The following MAGI1 variants were observed in gnomAD, a reference collection of about 807,000 sequenced individuals.
The protein encoded by MAGI1 is membrane associated guanylate kinase, WW and PDZ domain containing 1.
MAGI1 carries 58 observed loss-of-function variants against 139.9 expected under a neutral mutation model. The ratio of observed to expected loss-of-function variants is 0.41; its 90% CI spans 0.34 to 0.52. MAGI1 has a LOEUF of 0.52. Ranked by LOEUF, MAGI1 falls within the 20% of genes least tolerant of loss-of-function variation. The pLI, the probability that MAGI1 is intolerant of heterozygous loss-of-function variation, is 0.12. For missense variants in MAGI1, 1,874 were observed against 1,901.6 expected, an observed-to-expected ratio of 0.99 and a Z score of 0.27; for synonymous variants, 812 against 737.9, an observed-to-expected ratio of 1.10 and a Z score of -1.63.
At chr3:65,608,351 G>C (rs909850696) in intron 2 of MAGI1, among the ~76,000 whole-genome samples, 19 of 152,112 alleles carry the variant, frequency 1.2e-4, no homozygotes, top group African/African-American at 4.6e-4. Context: ...TAAGGCAGGA[G>C]AATCAGCCAG....
At chr3:65,680,355 C>A (rs1050015924) in intron 1 of MAGI1, among the ~76,000 whole-genome samples, 3 of 152,150 alleles carry the variant, frequency 2.0e-5, no homozygotes, top group Non-Finnish European at 4.4e-5. Flanking sequence ...CTATGGTGAC[C>A]ATACCATTTA....
chr3:65,945,176 G>T (rs975015485), intron 1 of MAGI1, among the ~76,000 whole-genome samples: 2 of 152,172 alleles, frequency 1.3e-5, no homozygotes, highest in African/African-American at 4.8e-5. Context: ...ATTTTGAAGG[G>T]CCAGGGTGGA....
intron 1 of MAGI1, among the ~76,000 whole-genome samples, chr3:65,896,272 T>G (rs565790040): frequency 6.6e-6 from 1 of 151,810 alleles, no homozygotes; most frequent in East Asian, 1.9e-4. Flanking sequence ...AGTATTTTTA[T>G]TATTATCACT....
chr3:65,494,800 C>A (rs1159091959), intron 2 of MAGI1, among the ~76,000 whole-genome samples: 1 of 152,230 alleles, frequency 6.6e-6, no homozygotes, highest in Non-Finnish European at 1.5e-5. Context: ...CACACCTACA[C>A]TGGATATTCA....
At chr3:65,408,334 T>C (rs983592655) in intron 12 of MAGI1, among the ~76,000 whole-genome samples, 1 of 152,174 alleles carries the variant, frequency 6.6e-6, no homozygotes, top group Non-Finnish European at 1.5e-5. Context: ...AAGACACATC[T>C]GAAAAAATTA....
chr3:65,429,822 T>A lies in MAGI1; in HGVS notation c.1865A>T (p.His622Leu). ...AGAAACAGTGTCATTAGGATAACCA[T>A]GAGAACTATTTGAAGCCACGTCCGC... ...SPADVASNSS[H>L]GYPNDTVSLA... is the part of the protein sequence containing the mutation. The change falls in exon 12 of 23, where the codon CAT (histidine) becomes CTT (leucine). Residue 622 changes from histidine (H) to leucine (L), a missense_variant. By Grantham distance (99) the His-to-Leu change is moderately conservative (BLOSUM62 -3). Around this residue, in one of 5 missense-constraint regions of MAGI1, gnomAD observed 482 missense variants for 509.6 expected, o/e 0.95. Coordinates refer to ENST00000402939, the MANE Select transcript of MAGI1 (RefSeq NM_001033057.2). 1 of 1,614,012 alleles carries A rather than the reference T, an allele frequency of 6.2e-7. No individual in the cohort carries two copies. The highest frequency in any genetic ancestry group is 1.1e-5 in the South Asian group (1 of 91,082).
At chr3:65,905,517 AT>A (rs1003474976) in intron 1 of MAGI1, among the ~76,000 whole-genome samples, 1 of 149,744 alleles carries the variant, frequency 6.7e-6, no homozygotes, top group African/African-American at 2.5e-5. Context: ...TCTTTTTCTT[AT>A]TTTTTTAGAG....
chr3:65,537,268 T>C (rs2079003058), intron 2 of MAGI1, among the ~76,000 whole-genome samples: 1 of 152,128 alleles, frequency 6.6e-6, no homozygotes, highest in Non-Finnish European at 1.5e-5. Context: ...TTTCCTTCTT[T>C]CTCTGCCCAG....
At chr3:65,920,783 C>T (rs1020303267) in intron 1 of MAGI1, among the ~76,000 whole-genome samples, 1 of 152,184 alleles carries the variant, frequency 6.6e-6, no homozygotes, top group South Asian at 2.1e-4. Context: ...GTAATCCCAG[C>T]ACTTTGGGAG....
chr3:65,516,938 C>T (rs59021013), intron 2 of MAGI1, among the ~76,000 whole-genome samples: 26,076 of 150,358 alleles, frequency 0.17, 2,315 homozygotes, highest in South Asian at 0.24. Context: ...CCGTTTTAGC[C>T]GGGATGGTCT....
At chr3:65,524,461 T>C (rs539537374) in intron 2 of MAGI1, among the ~76,000 whole-genome samples, 7 of 152,344 alleles carry the variant, frequency 4.6e-5, no homozygotes, top group Non-Finnish European at 7.3e-5. Flanking sequence ...ATTACTCTTA[T>C]AGAAAAGTTA....
chr3:65,412,263 G>A (rs1945853525), intron 12 of MAGI1, among the ~76,000 whole-genome samples: 1 of 152,096 alleles, frequency 6.6e-6, no homozygotes, highest in Admixed American at 6.6e-5. Flanking sequence ...GGAACTCTAT[G>A]CCTGCAGATC....
chr3:65,684,972 C>T (rs1372306472), intron 1 of MAGI1, among the ~76,000 whole-genome samples: 1 of 149,226 alleles, frequency 6.7e-6, no homozygotes, highest in Non-Finnish European at 1.5e-5. Context: ...CCAGCCTCAG[C>T]CTTCCAAACT....
intron 1 of MAGI1, among the ~76,000 whole-genome samples, chr3:65,630,230 C>T (rs1432259816): frequency 6.6e-6 from 1 of 152,068 alleles, no homozygotes; most frequent in African/African-American, 2.4e-5. Context: ...AATACAGAGC[C>T]CCTGAGCAGC....
intron 7 of MAGI1, among the ~76,000 whole-genome samples, chr3:65,443,799 A>C (rs923016015): frequency 3.9e-5 from 6 of 152,208 alleles, no homozygotes; most frequent in Non-Finnish European, 7.3e-5. Context: ...CTCTAAAGTG[A>C]ATAATTAGTC....
chr3:65,700,312 C>G (rs972128155), intron 1 of MAGI1, among the ~76,000 whole-genome samples: 1 of 152,042 alleles, frequency 6.6e-6, no homozygotes, highest in African/African-American at 2.4e-5. Context: ...CATGGTGGTG[C>G]ATTCCTGTAA....
intron 1 of MAGI1, among the ~76,000 whole-genome samples, chr3:65,872,229 A>G (rs1428765473): frequency 3.9e-5 from 6 of 152,250 alleles, no homozygotes; most frequent in African/African-American, 1.2e-4. Flanking sequence ...TACTGCTCAC[A>G]GTCCCTATAA....
chr3:65,659,661 CTTTCT>C (rs1251222916), intron 1 of MAGI1, among the ~76,000 whole-genome samples: 1 of 152,164 alleles, frequency 6.6e-6, no homozygotes, highest in Non-Finnish European at 1.5e-5. Context: ...CCGTACTCCC[CTTTCT>C]TAAGTATGTA....
intron 18 of MAGI1, among the ~76,000 whole-genome samples, chr3:65,368,662 A>G (rs1265455341): frequency 6.6e-6 from 1 of 152,216 alleles, no homozygotes; most frequent in Non-Finnish European, 1.5e-5. Flanking sequence ...TATGTAATAA[A>G]TATCTAAGGG....
Sources: allele counts gnomAD v4.1 joint callset (sites outside exome capture counted in the v4.1 genomes callset), GRCh38; gene constraint gnomAD v4.1.1; regional missense constraint gnomAD v4.1.1; transcripts MANE v1.5; gene names NCBI Gene and HGNC (gene_info 2026-07-23, HGNC 2026-07-21).